The following GXYLT2 variants were observed in gnomAD, a reference collection of about 807,000 sequenced individuals.
The protein encoded by GXYLT2 is glucoside xylosyltransferase 2.
A neutral mutation model predicts 45.8 loss-of-function variants in GXYLT2; 53 were observed. That is an observed-to-expected ratio of 1.16 (90% confidence interval 0.93 to 1.46). The LOEUF (loss-of-function observed/expected upper bound fraction) is 1.46. Among genes scored for constraint, GXYLT2 ranks in the 40% most tolerant of loss-of-function variants. The pLI is 0.00. For synonymous variants in GXYLT2, 219 were observed against 214.2 expected (o/e 1.02, Z -0.19); for missense variants, 551 against 544.4 (o/e 1.01, Z -0.12).
intron 2 of GXYLT2, among the ~76,000 whole-genome samples, chr3:72,914,025 G>T (rs982818387): frequency 1.1e-4 from 17 of 152,176 alleles, no homozygotes; most frequent in African/African-American, 4.1e-4. Flanking sequence ...GGCACATGCT[G>T]AAGGGGTGGG....
At chr3:72,953,756 C>G (rs1710573023) in intron 3 of GXYLT2, among the ~76,000 whole-genome samples, 1 of 152,126 alleles carries the variant, frequency 6.6e-6, no homozygotes. Context: ...ACAAAGCTAG[C>G]CAATGACTTG....
intron 1 of GXYLT2, among the ~76,000 whole-genome samples, chr3:72,904,848 C>T (rs530724250): frequency 6.9e-6 from 1 of 145,904 alleles, no homozygotes; most frequent in African/African-American, 2.6e-5. Flanking sequence ...CGAGACCAGC[C>T]TGGCAAAACC....
intron 5 of GXYLT2, among the ~76,000 whole-genome samples, chr3:72,957,768 C>A (rs1710677853): frequency 6.6e-6 from 1 of 151,946 alleles, no homozygotes; most frequent in Non-Finnish European, 1.5e-5. Flanking sequence ...TATTCAGGGT[C>A]AAAACATCCT....
chr3:72,947,235 C>G (rs115946008), intron 3 of GXYLT2, among the ~76,000 whole-genome samples: 1 of 152,000 alleles, frequency 6.6e-6, no homozygotes, highest in African/African-American at 2.4e-5. Context: ...AATATTTAAG[C>G]GCATCTCAGA....
At chr3:72,921,399 A>T (rs2107100238) in intron 2 of GXYLT2, among the ~76,000 whole-genome samples, 1 of 152,214 alleles carries the variant, frequency 6.6e-6, no homozygotes, top group South Asian at 2.1e-4. Context: ...TTCTAACTGT[A>T]CATTATTCTA....
Position 72,957,860 on chromosome 3 carries a change from A to G in GXYLT2, c.976+508A>G, listed in dbSNP as rs140109353. ...TTCTTCTTATATTGTTAGGTGGATG[A>G]TTTGGTGGGGTAGAGGGAAAAAGGG... On this transcript the variant is annotated intron_variant, in intron 5 of 6. Coordinates refer to ENST00000389617, the MANE Select transcript of GXYLT2 (RefSeq NM_001080393.2). Among the ~76,000 whole-genome samples the G allele has an allele frequency of 4.3e-4, 66 of 152,238 alleles. 1 individual carries two copies. In the East Asian group the frequency reaches 9.8e-3, roughly 23 times the overall value.
At chr3:72,964,151 T>C (rs1324769941) in intron 5 of GXYLT2, among the ~76,000 whole-genome samples, 1 of 152,006 alleles carries the variant, frequency 6.6e-6, no homozygotes, top group Non-Finnish European at 1.5e-5. Context: ...TGAAATGTTT[T>C]TCTAACTTAC....
intron 3 of GXYLT2, among the ~76,000 whole-genome samples, chr3:72,934,647 T>A (rs1429349254): frequency 6.6e-6 from 1 of 152,186 alleles, no homozygotes; most frequent in Non-Finnish European, 1.5e-5. Flanking sequence ...ATTGCCTGTT[T>A]CATACTGTTT....
intron 3 of GXYLT2, among the ~76,000 whole-genome samples, chr3:72,950,828 T>C (rs1710507865): frequency 6.6e-6 from 1 of 152,230 alleles, no homozygotes; most frequent in African/African-American, 2.4e-5. Flanking sequence ...TTGCTGCCCA[T>C]GGCCAGTCTT....
intron 3 of GXYLT2, among the ~76,000 whole-genome samples, chr3:72,942,341 C>T (rs1006601013): frequency 1.3e-5 from 2 of 151,620 alleles, no homozygotes; most frequent in African/African-American, 4.9e-5. Flanking sequence ...TAGAAAATTC[C>T]AGTTAATACA....
intron 6 of GXYLT2, among the ~76,000 whole-genome samples, chr3:72,972,887 G>A (rs1711019804): frequency 6.6e-6 from 1 of 152,070 alleles, no homozygotes; most frequent in South Asian, 2.1e-4. Context: ...CAGTGAGCTA[G>A]GATGGCCCCA....
intron 2 of GXYLT2, among the ~76,000 whole-genome samples, chr3:72,909,899 G>T (rs548506123): frequency 6.6e-6 from 1 of 152,208 alleles, no homozygotes; most frequent in South Asian, 2.1e-4. Flanking sequence ...CCCAAAAAAA[G>T]CATGTTGGGC....
At chr3:72,953,485 T>G (rs1162441692) in intron 3 of GXYLT2, among the ~76,000 whole-genome samples, 8 of 152,024 alleles carry the variant, frequency 5.3e-5, no homozygotes. Flanking sequence ...AAGATGGGGT[T>G]TCACCATTTG....
At chr3:72,916,326 A>AT (rs1309555169) in intron 2 of GXYLT2, among the ~76,000 whole-genome samples, 2 of 151,156 alleles carry the variant, frequency 1.3e-5, no homozygotes, top group South Asian at 2.1e-4. Flanking sequence ...AAAAAAAAAA[A>AT]GAAAAGAAAA....
At chr3:72,973,525 G>A (rs1711037984) in intron 6 of GXYLT2, among the ~76,000 whole-genome samples, 1 of 152,216 alleles carries the variant, frequency 6.6e-6, no homozygotes, top group Admixed American at 6.5e-5. Context: ...TATCACCTTG[G>A]TAATGTGGTG....
At position 72,908,420 on chromosome 3, in the gene GXYLT2, T is replaced by A; in HGVS notation, c.329T>A (p.Ile110Asn). ...FQAVLPPELW[I>N]HLAVVACGNR... ...GCTGTGCTGCCACCCGAGCTCTGGATCCACCTGGCTGTGGTGGCCTGTGGC... is the reference window on the plus strand; with the variant it reads ...GCTGTGCTGCCACCCGAGCTCTGGAACCACCTGGCTGTGGTGGCCTGTGGC... The change falls in exon 2 of 7, where the codon ATC becomes AAC. Residue 110 changes from isoleucine to asparagine, a missense_variant. By Grantham distance (149) the Ile-to-Asn change is moderately radical. Coordinates refer to ENST00000389617, the MANE Select transcript of GXYLT2 (RefSeq NM_001080393.2). 2 of 1,613,922 alleles carry A rather than the reference T, an allele frequency of 1.2e-6. No homozygotes were observed. The highest frequency in any genetic ancestry group is 1.7e-6 in the Non-Finnish European group (2 of 1,179,876).
In GXYLT2 at chr3:72,947,263, G is replaced by A. The variant is rs77970896; in HGVS notation, c.601-7835G>A. On this transcript the variant is annotated intron_variant, in intron 3 of 6. Transcript: ENST00000389617. Reference sequence around the variant, plus strand: ...ATCTCAGATAGAGAAGACCCTGGCTGTAGACGGGGAGAGAATTAGGAGCTC... The same window carrying A: ...ATCTCAGATAGAGAAGACCCTGGCTATAGACGGGGAGAGAATTAGGAGCTC... Among the ~76,000 whole-genome samples the A allele has an allele frequency of 9.1e-3, 1,388 of 152,254 alleles. 27 individuals carry two copies. Among genetic ancestry groups the A allele is most frequent in the African/African-American group, 0.031 (1,269 of 41,542 alleles).
At position 72,976,106 on chromosome 3, in the gene GXYLT2, A is replaced by G. The variant is rs1424981574; in HGVS notation, c.*947A>G. 6.6e-6 allele frequency: 1 copy of G among 151,074 alleles called. No individual in the cohort carries two copies. The highest frequency in any genetic ancestry group is 1.5e-5 in the Non-Finnish European group (1 of 67,786). The allele number at this position is 151,074 out of a possible 1,614,324, so 9.4% of individuals were successfully genotyped here. On this transcript the variant is annotated 3_prime_UTR_variant, in exon 7 of 7. Coordinates refer to ENST00000389617, the MANE Select transcript of GXYLT2 (RefSeq NM_001080393.2). ...GCCACCACACCCGGCTAATTTTTGT[A>G]TTTTTAGTAGAGACACGGTTTTACC...
chr3:72,909,959 GA>G (rs969613984), intron 2 of GXYLT2, among the ~76,000 whole-genome samples: 13 of 151,000 alleles, frequency 8.6e-5, no homozygotes, highest in African/African-American at 2.4e-4. Flanking sequence ...GTTTGAGTAG[GA>G]AAAAAAAAGT....
Sources: allele counts gnomAD v4.1 joint callset (sites outside exome capture counted in the v4.1 genomes callset), GRCh38; gene constraint gnomAD v4.1.1; transcripts MANE v1.5; gene names NCBI Gene and HGNC (gene_info 2026-07-23, HGNC 2026-07-21).